Variants in CSMD1 observed in about 807,000 individuals in gnomAD.
CSMD1 encodes the protein CUB and sushi domain-containing protein 1.
In CSMD1, 213 loss-of-function variants were observed where a neutral mutation model predicts 417.5. The ratio of observed to expected loss-of-function variants is 0.51; its 90% confidence interval spans 0.46 to 0.57. The LOEUF is 0.57. Ranked by LOEUF, CSMD1 falls within the 20% of genes least tolerant of loss-of-function variation. The probability of loss-of-function intolerance (pLI) is 0.00; values close to 1 mark genes in which losing one functional copy is unlikely to be tolerated. For synonymous variants in CSMD1, 2,862 were observed against 1,736.8 expected (o/e 1.65, Z -16.11); for missense variants, 6,923 against 4,529.7 (o/e 1.53, Z -15.17).
chr8:3,140,601 G>A (rs1455276284), intron 41 of CSMD1, among the ~76,000 whole-genome samples: 2 of 151,392 alleles, frequency 1.3e-5, no homozygotes, highest in African/African-American at 4.9e-5. Context: ...TATATTTTAG[G>A]TGAGACTACA....
chr8:2,942,384 G>A (rs931259472), intron 69 of CSMD1, 88 bp downstream of exon 69: 2 of 1,068,090 alleles, frequency 1.9e-6, no homozygotes, highest in Non-Finnish European at 2.7e-6. Flanking sequence ...TAAAATACAT[G>A]TGCATGTGAG....
chr8:4,139,923 T>C (rs1017819893), intron 3 of CSMD1, among the ~76,000 whole-genome samples: 1 of 150,560 alleles, frequency 6.6e-6, no homozygotes, highest in African/African-American at 2.5e-5. Context: ...CTTCAGAGGA[T>C]GGATAAAAGG....
chr8:4,096,310 G>C (rs78462626), intron 3 of CSMD1, among the ~76,000 whole-genome samples: 196 of 152,190 alleles, frequency 1.3e-3, no homozygotes, highest in African/African-American at 4.6e-3. Flanking sequence ...CACCACATTT[G>C]TCTGCAGAGG....
At chr8:3,116,099 C>T (rs1816851073) in intron 42 of CSMD1, among the ~76,000 whole-genome samples, 1 of 152,128 alleles carries the variant, frequency 6.6e-6, no homozygotes, top group African/African-American at 2.4e-5. Flanking sequence ...GAAGCAACGA[C>T]TTTTTTAAGA....
intron 1 of CSMD1, among the ~76,000 whole-genome samples, chr8:4,960,439 C>T (rs1809402130): frequency 1.3e-5 from 2 of 152,182 alleles, no homozygotes; most frequent in Admixed American, 6.5e-5. Context: ...AAACTACTTT[C>T]ACCTGGCATG....
At chr8:3,395,133 C>G (rs1304006396) in intron 17 of CSMD1, among the ~76,000 whole-genome samples, 1 of 152,048 alleles carries the variant, frequency 6.6e-6, no homozygotes, top group African/African-American at 2.4e-5. Flanking sequence ...GATTTGAAAC[C>G]CATCATAGTA....
rs543995166 is a variant in CSMD1, at chr8:3,375,685, G to A, written c.2783-6315C>T. Among the ~76,000 whole-genome samples, 72 of 152,176 alleles carry A rather than the reference G, an allele frequency of 4.7e-4. 1 individual carries two copies. The Middle Eastern group carries it at 0.014, about 29-fold the overall frequency. On this transcript the variant is annotated intron_variant, in intron 18 of 69. Coordinates refer to ENST00000635120, the MANE Select transcript of CSMD1 (RefSeq NM_033225.6). The stretch of plus-strand genomic sequence containing the variant: ...AAATTGGGGCAGTCCAGCTGCATAG[G>A]AGAGATTCCAATCCTGATGACCAGC...
chr8:3,458,351 A>T (rs1816288669), intron 12 of CSMD1, among the ~76,000 whole-genome samples: 3 of 152,208 alleles, frequency 2.0e-5, no homozygotes, highest in Non-Finnish European at 4.4e-5. Context: ...TATTAAGAGG[A>T]ATCTGTGCTT....
At chr8:3,611,086 G>A (rs1454027638) in intron 8 of CSMD1, among the ~76,000 whole-genome samples, 1 of 103,196 alleles carries the variant, frequency 9.7e-6, no homozygotes, top group Non-Finnish European at 1.8e-5. Flanking sequence ...CTGTTGTGGG[G>A]TGGGGGGAGG....
intron 1 of CSMD1, among the ~76,000 whole-genome samples, chr8:4,831,630 G>T (rs183433977): frequency 1.3e-5 from 2 of 152,024 alleles, no homozygotes; most frequent in African/African-American, 4.8e-5. Flanking sequence ...TCTTTCTTTC[G>T]CTTTGGAAAG....
chr8:4,335,471 T>C (rs115840008), intron 3 of CSMD1, among the ~76,000 whole-genome samples: 2 of 152,142 alleles, frequency 1.3e-5, no homozygotes, highest in Non-Finnish European at 2.9e-5. Flanking sequence ...GGAATTTATA[T>C]GGACTCCAGA....
chr8:4,610,248 A>C (rs1226870398), intron 2 of CSMD1, among the ~76,000 whole-genome samples: 1 of 152,196 alleles, frequency 6.6e-6, no homozygotes, highest in Non-Finnish European at 1.5e-5. Context: ...TCCTTCATAG[A>C]GATCAAGTGG....
intron 23 of CSMD1, among the ~76,000 whole-genome samples, chr8:3,342,230 C>T (rs912257191): frequency 2.6e-5 from 4 of 152,098 alleles, no homozygotes; most frequent in Admixed American, 6.6e-5. Context: ...TGATTTTTTC[C>T]TCCTAAGAGG....
chr8:4,416,186 G>A (rs1469127362), intron 3 of CSMD1, among the ~76,000 whole-genome samples: 3 of 152,110 alleles, frequency 2.0e-5, no homozygotes, highest in Non-Finnish European at 2.9e-5. Context: ...AAATACCGGA[G>A]TCACTGTTTT....
intron 26 of CSMD1, among the ~76,000 whole-genome samples, chr8:3,279,733 G>C (rs1802586630): frequency 6.6e-6 from 1 of 152,078 alleles, no homozygotes; most frequent in African/African-American, 2.4e-5. Context: ...AAGGTGAAGG[G>C]GAAGCAAAGC....
chr8:3,721,243 A>T (rs943203861), intron 6 of CSMD1, among the ~76,000 whole-genome samples: 7 of 151,698 alleles, frequency 4.6e-5, no homozygotes, highest in African/African-American at 1.7e-4. Flanking sequence ...AAATCCAATC[A>T]TTTTTTTTCC....
chr8:4,221,444 C>T (rs944242786), intron 3 of CSMD1, among the ~76,000 whole-genome samples: 2 of 150,806 alleles, frequency 1.3e-5, no homozygotes, highest in Admixed American at 6.6e-5. Context: ...TAACAGACAA[C>T]TGGAACTGAC....
At chr8:3,301,864 C>G (rs1046807705) in intron 25 of CSMD1, among the ~76,000 whole-genome samples, 5 of 152,056 alleles carry the variant, frequency 3.3e-5, no homozygotes, top group African/African-American at 1.2e-4. Flanking sequence ...CATGGGAATT[C>G]ATAATGGTGG....
At chr8:3,989,238 G>T (rs965463946) in intron 5 of CSMD1, among the ~76,000 whole-genome samples, 1 of 152,144 alleles carries the variant, frequency 6.6e-6, no homozygotes, top group Non-Finnish European at 1.5e-5. Context: ...AGTGATCTGG[G>T]ACTTCCAGAG....
Sources: gnomAD v4.1 joint callset for allele counts (sites outside exome capture counted in the v4.1 genomes callset) on GRCh38, gnomAD v4.1.1 for gene constraint, MANE v1.5 for transcripts, NCBI Gene and HGNC (gene_info 2026-07-23, HGNC 2026-07-21) for gene names.